Variants in ALDH1A3 observed in about 807,000 individuals in gnomAD.
ALDH1A3 encodes retinaldehyde dehydrogenase 3.
A neutral mutation model predicts 57.5 loss-of-function variants in ALDH1A3; 28 were observed. The observed-to-expected ratio is 0.49, with a 90% CI of 0.36 to 0.67. ALDH1A3 has a LOEUF of 0.67. Among genes scored for constraint, ALDH1A3 ranks in the 30% least tolerant of loss-of-function variants. The probability of loss-of-function intolerance (pLI) is 0.00; values close to 1 mark genes in which losing one functional copy is unlikely to be tolerated. For missense variants in ALDH1A3, 507 were observed against 669.4 expected, an observed-to-expected ratio of 0.76 and a Z score of 2.68; for synonymous variants, 281 against 264.8, an observed-to-expected ratio of 1.06 and a Z score of -0.59.
chr15:100,884,747 G>A (rs138672697), intron 1 of ALDH1A3, among the ~76,000 whole-genome samples: 59 of 152,276 alleles, frequency 3.9e-4, no homozygotes, highest in Non-Finnish European at 7.4e-4. Context: ...ACTGAAGGGC[G>A]ATGGTGAGAT....
Position 100,898,076 on chromosome 15 carries a change from C to T in ALDH1A3, c.781-7C>T. 1.2e-6 allele frequency: 2 copies of T among 1,613,206 alleles called. No homozygotes were observed. Among genetic ancestry groups the T allele is most frequent in the Admixed American group, 1.7e-5 (1 of 60,002 alleles). ...AGGTAAATTGTGATCTGTGTTCTGT[C>T]CTGGAGGTTGGAAAACTGGTTAAAG... is the stretch of plus-strand genomic sequence containing the variant. On this transcript the variant is annotated splice_polypyrimidine_tract_variant and splice_region_variant and intron_variant, in intron 7 of 12. Coordinates refer to ENST00000329841, the MANE Select transcript of ALDH1A3 (RefSeq NM_000693.4).
rs1414086799 is a variant in ALDH1A3, at chr15:100,887,227, T to C, written c.205-345T>C. Among the ~76,000 whole-genome samples, 1 of 152,150 alleles carries C rather than the reference T, an allele frequency of 6.6e-6. No individual in the cohort carries two copies. Among genetic ancestry groups the C allele is most frequent in the East Asian group, 1.9e-4 (1 of 5,194 alleles). On this transcript the variant is annotated intron_variant, in intron 2 of 12. Transcript: ENST00000329841. This position sits in a 1 kb window ranked among gnomAD's most constrained non-coding sequence, Gnocchi z 4.6. ...CAGCGGGACAATCTGCTGTTCTCTA[T>C]AACTGATGGCCGTGGTCCCAAACTG...
intron 12 of ALDH1A3, among the ~76,000 whole-genome samples, chr15:100,912,685 G>T (rs2041891968): frequency 6.6e-6 from 1 of 152,304 alleles, no homozygotes; most frequent in Non-Finnish European, 1.5e-5. Context: ...CTAACACATA[G>T]TAGGGGCTCT....
In ALDH1A3 at chr15:100,892,926, C is replaced by A; in HGVS notation, c.476-19C>A. On this transcript the variant is annotated intron_variant, in intron 4 of 12. Transcript: ENST00000329841. The stretch of plus-strand genomic sequence containing the variant: ...GACTAAGTGAGTGTGTCCTTCCCCA[C>A]CATGTAACCCTCTTCCAGATGACAA... 2 of 1,613,088 alleles carry A rather than the reference C, an allele frequency of 1.2e-6. No individual in the cohort carries two copies. Among genetic ancestry groups the A allele is most frequent in the South Asian group, 2.2e-5 (2 of 90,962 alleles).
intron 4 of ALDH1A3, 107 bp from the exon 5 acceptor site, chr15:100,892,838 C>T: frequency 2.9e-6 from 4 of 1,379,214 alleles, no homozygotes; most frequent in Non-Finnish European, 4.0e-6. Flanking sequence ...ATAGACAAGA[C>T]TTGAATCTGG....
Position 100,893,611 on chromosome 15 carries a change from G to GGCAGGAA in ALDH1A3, c.538-340_538-334dup, listed in dbSNP as rs2041673316. The stretch of plus-strand genomic sequence containing the variant: ...CCTCTGGCCATTGCAACAACAGCCA[G>GGCAGGAA]GCAGGAAGCTGAAGAGCCAGGTGGC... On this transcript the variant is annotated intron_variant, in intron 5 of 12. Transcript: ENST00000329841. This position sits in a 1 kb window ranked among gnomAD's most constrained non-coding sequence, Gnocchi z 4.8. 4.7e-6 allele frequency: 1 copy of GGCAGGAA among 214,138 alleles called. No homozygotes were observed. Among genetic ancestry groups the GGCAGGAA allele is most frequent in the Non-Finnish European group, 9.3e-6 (1 of 107,492 alleles). 13.3% of individuals were successfully genotyped at this position (214,138 alleles called of 1,614,324 possible).
At chr15:100,896,653 T>A (rs1034613705) in intron 7 of ALDH1A3, among the ~76,000 whole-genome samples, 1 of 152,206 alleles carries the variant, frequency 6.6e-6, no homozygotes, top group Admixed American at 6.5e-5. Flanking sequence ...GTAGCACTCA[T>A]CCAACATTTA....
chr15:100,905,734 C>T (rs1333822213), intron 10 of ALDH1A3, 47 bp downstream of exon 10: 1 of 1,486,872 alleles, frequency 6.7e-7, no homozygotes, highest in Non-Finnish European at 9.0e-7. Flanking sequence ...GCCTTTCAAA[C>T]ACGAGTCCTT....
intron 1 of ALDH1A3, among the ~76,000 whole-genome samples, chr15:100,882,084 A>G (rs2041552663): frequency 6.6e-6 from 1 of 152,264 alleles, no homozygotes; most frequent in South Asian, 2.1e-4. Context: ...GCAGGAGAGC[A>G]GACGGTGGAG....
intron 8 of ALDH1A3, among the ~76,000 whole-genome samples, chr15:100,900,125 T>C (rs1376998305): frequency 6.6e-6 from 1 of 152,258 alleles, no homozygotes; most frequent in African/African-American, 2.4e-5. Context: ...CATGATATTA[T>C]CTTACTTAAT....
chr15:100,896,698 CA>C (rs954577019), intron 7 of ALDH1A3, among the ~76,000 whole-genome samples: 7 of 151,766 alleles, frequency 4.6e-5, no homozygotes, highest in Admixed American at 3.9e-4. Context: ...AGCTCCATTT[CA>C]AAAAAAGAAA....
chr15:100,900,740 A>G lies in ALDH1A3; in HGVS notation c.1049A>G (p.Lys350Arg). The change falls in exon 9 of 13, where the codon AAA (lysine) becomes AGA (arginine). Residue 350 changes from lysine to arginine, a missense_variant. By Grantham distance (26) the Lys-to-Arg change is conservative (BLOSUM62 2). This residue lies in a region of ALDH1A3 where 432 missense variants were observed against 608.4 expected (regional missense o/e 0.71). Transcript: ENST00000329841. ...CCCGTGGGAGACCCCTTCGATGTCA[A>G]AACAGAACAGGGGCCTCAGGTAATC... is the stretch of plus-strand genomic sequence containing the variant. The part of the protein sequence containing the change: ...KRPVGDPFDV[K>R]TEQGPQIDQK... 1 of 1,614,096 alleles carries G rather than the reference A, an allele frequency of 6.2e-7. No homozygotes were observed. The highest frequency in any genetic ancestry group is 8.5e-7 in the Non-Finnish European group (1 of 1,180,018).
chr15:100,908,518 T>C, intron 12 of ALDH1A3, 36 bp downstream of exon 12: 9 of 1,555,224 alleles, frequency 5.8e-6, no homozygotes, highest in Non-Finnish European at 8.0e-6. Flanking sequence ...TGCCGTGGGC[T>C]GAACACTAGA....
At chr15:100,884,327 T>C (rs2041573240) in intron 1 of ALDH1A3, among the ~76,000 whole-genome samples, 1 of 152,210 alleles carries the variant, frequency 6.6e-6, no homozygotes, top group Non-Finnish European at 1.5e-5. Context: ...ATAGTACATA[T>C]GTTTCAGTGC....
intron 9 of ALDH1A3, among the ~76,000 whole-genome samples, chr15:100,902,364 G>T (rs964040429): frequency 2.6e-5 from 4 of 152,212 alleles, no homozygotes; most frequent in Non-Finnish European, 5.9e-5. Flanking sequence ...TTAGAATGCT[G>T]TTGGGGTTTC....
In ALDH1A3 at chr15:100,880,979, C is replaced by T. The variant is rs572379222; in HGVS notation, c.99+973C>T. Reference sequence around the variant, plus strand: ...GCCAGGCCGAGAGCCATTGCCTTAACTTTCCCCACCTTTGGCTTCTCTTGA... The same window carrying T: ...GCCAGGCCGAGAGCCATTGCCTTAATTTTCCCCACCTTTGGCTTCTCTTGA... On this transcript the variant is annotated intron_variant, in intron 1 of 12. Coordinates refer to ENST00000329841, the MANE Select transcript of ALDH1A3 (RefSeq NM_000693.4). 6.6e-5 allele frequency: 10 copies of T among 152,452 alleles called. No individual in the cohort carries two copies. In the East Asian group the frequency reaches 1.9e-3, roughly 29 times the overall value. 9.4% of individuals were successfully genotyped at this position (152,452 alleles called of 1,614,324 possible). A position where few individuals can be genotyped will look rare whatever the true frequency, so the allele number is the denominator to read the frequency against.
In ALDH1A3 at chr15:100,894,289, C is replaced by T; in HGVS notation, c.666+207C>T. 1.7e-6 allele frequency: 1 copy of T among 579,420 alleles called. No homozygotes were observed. The highest frequency in any genetic ancestry group is 2.0e-5 in the South Asian group (1 of 48,936). 35.9% of individuals were successfully genotyped at this position (579,420 alleles called of 1,614,324 possible). A position where few individuals can be genotyped will look rare whatever the true frequency, so the allele number is the denominator to read the frequency against. On this transcript the variant is annotated intron_variant, in intron 6 of 12. Coordinates refer to ENST00000329841, the MANE Select transcript of ALDH1A3 (RefSeq NM_000693.4). This position sits in a 1 kb window ranked among gnomAD's most constrained non-coding sequence, Gnocchi z 4.5. ...AGAAACTCCATTCCTCCCAGTGGTCCTAATGAGAATGCTTAACTCTTATTA... is the reference window on the plus strand; with the variant it reads ...AGAAACTCCATTCCTCCCAGTGGTCTTAATGAGAATGCTTAACTCTTATTA...
Position 100,915,358 on chromosome 15 carries a change from C to A in ALDH1A3, c.*585C>A. ...TGAGAAAGTTTTGGTTAGTGCATAC[C>A]GTGGAAGGGCGCCAGGGTCTTTGTG... On this transcript the variant is annotated 3_prime_UTR_variant, in exon 13 of 13. Transcript: ENST00000329841. 6.6e-6 allele frequency: 1 copy of A among 152,564 alleles called. No individual in the cohort carries two copies. The highest frequency in any genetic ancestry group is 1.5e-5 in the Non-Finnish European group (1 of 68,268). The allele number at this position is 152,564 out of a possible 1,614,324, so 9.5% of individuals were successfully genotyped here.
Position 100,889,408 on chromosome 15 carries a change from C to T in ALDH1A3, c.345+1696C>T, listed in dbSNP as rs2041627153. Reference sequence around the variant, plus strand: ...TCCCCTTCCTTCCTTCCCAGTCAGCCCGGCCAGTCCACATGTTCCCCGGGT... The same window carrying T: ...TCCCCTTCCTTCCTTCCCAGTCAGCTCGGCCAGTCCACATGTTCCCCGGGT... On this transcript the variant is annotated intron_variant, in intron 3 of 12. Coordinates refer to ENST00000329841, the MANE Select transcript of ALDH1A3 (RefSeq NM_000693.4). The surrounding 1 kb of genome is among the most constrained non-coding windows in gnomAD (Gnocchi z 5.1). Among the ~76,000 whole-genome samples, 1 of 152,180 alleles carries T rather than the reference C, an allele frequency of 6.6e-6. No individual in the cohort carries two copies. Among genetic ancestry groups the T allele is most frequent in the Non-Finnish European group, 1.5e-5 (1 of 68,036 alleles).
Sources: gnomAD v4.1 joint callset for allele counts (sites outside exome capture counted in the v4.1 genomes callset) on GRCh38, gnomAD v4.1.1 for gene constraint, gnomAD v4.1.1 regional missense constraint, Gnocchi (gnomAD v3.1) non-coding constraint, MANE v1.5 for transcripts, NCBI Gene and HGNC (gene_info 2026-07-23, HGNC 2026-07-21) for gene names.